The following MYO15A variants were observed in gnomAD, a reference collection of about 807,000 sequenced individuals.
MYO15A encodes the protein unconventional myosin-XV.
A neutral mutation model predicts 394.6 loss-of-function variants in MYO15A; 308 were observed. The observed-to-expected ratio is 0.78, with a 90% CI of 0.71 to 0.86. MYO15A has a LOEUF of 0.86. Ranked by LOEUF, MYO15A falls within the 40% of genes least tolerant of loss-of-function variation. MYO15A has a pLI of 0.00. For missense variants in MYO15A, 4,606 were observed against 4,799.1 expected, an observed-to-expected ratio of 0.96 and a Z score of 1.19; for synonymous variants, 1,957 against 2,003.8, an observed-to-expected ratio of 0.98 and a Z score of 0.62.
At chr17:18,152,313 A>G (rs2046599900) in intron 42 of MYO15A, 129 bp downstream of exon 42, 2 of 898,366 alleles carry the variant, frequency 2.2e-6, no homozygotes, top group African/African-American at 3.3e-5. Context: ...TTGTGAGCAC[A>G]TTGGTGTAAT....
At chr17:18,134,822 TTAA>T (rs2046234811) in intron 12 of MYO15A, among the ~76,000 whole-genome samples, 1 of 152,230 alleles carries the variant, frequency 6.6e-6, no homozygotes, top group Admixed American at 6.5e-5. Context: ...TTGTGCTTTG[TTAA>T]TCTATTTATG....
Position 18,143,748 on chromosome 17 carries a change from C to T in MYO15A, c.5998C>T (p.His2000Tyr). The change falls in exon 27 of 66, where the codon CAC (histidine) becomes TAC (tyrosine). Residue 2000 changes from histidine (H) to tyrosine (Y), a missense_variant. Physicochemically the swap from His to Tyr is moderately conservative, Grantham distance 83. Transcript: ENST00000647165. ...LSKREVVAVGHLEVPAELAGL... is the reference protein window; with the variant it reads ...LSKREVVAVGYLEVPAELAGL... ...CAAGCGGGAGGTAGTCGCTGTGGGGCACCTGGAGGTACCGGCTGAGCTGGC... is the reference window on the plus strand; with the variant it reads ...CAAGCGGGAGGTAGTCGCTGTGGGGTACCTGGAGGTACCGGCTGAGCTGGC... 6.3e-7 allele frequency: 1 copy of T among 1,599,874 alleles called. No homozygotes were observed. Among genetic ancestry groups the T allele is most frequent in the Non-Finnish European group, 8.5e-7 (1 of 1,173,776 alleles).
intron 1 of MYO15A, among the ~76,000 whole-genome samples, chr17:18,114,300 G>A (rs2045759793): frequency 7.4e-6 from 1 of 135,202 alleles, no homozygotes; most frequent in African/African-American, 2.7e-5. Context: ...TGCCCAGGCT[G>A]GAGTGCAATG....
rs747762338 is a variant in MYO15A, at chr17:18,118,862, C to G, written c.62C>G (p.Pro21Arg). The change falls in exon 2 of 66, where the codon CCG becomes CGG. Residue 21 changes from proline to arginine, a missense_variant. Pro to Arg is a moderately radical substitution (Grantham distance 103). Coordinates refer to ENST00000647165, the MANE Select transcript of MYO15A (RefSeq NM_016239.4). ...AAAGGGAAGAAGGGGAAGAAGGCAC[C>G]GGAGCCGGAGAAGCCCAAACGGAGC... ...AKKGKKGKKA[P>R]EPEKPKRSLK... The G allele has an allele frequency of 3.1e-6, 5 of 1,612,750 alleles. No individual in the cohort carries two copies. The highest frequency in any genetic ancestry group is 2.2e-5 in the East Asian group (1 of 44,828).
chr17:18,156,165 G>T (rs2046671408), intron 47 of MYO15A, 30 bp from the exon 48 acceptor site: 2 of 1,613,780 alleles, frequency 1.2e-6, no homozygotes, highest in Non-Finnish European at 8.5e-7. Context: ...CCCTCTGGCA[G>T]GGGAGTCATG....
At chr17:18,142,363 AG>A (rs2046397744) in intron 24 of MYO15A, 109 bp downstream of exon 24, 2 of 1,296,106 alleles carry the variant, frequency 1.5e-6, no homozygotes, top group East Asian at 2.5e-5. Flanking sequence ...ATGCAAGCTG[AG>A]GGTGGAGGCC....
Position 18,147,756 on chromosome 17 carries a change from G to A in MYO15A, c.6510-273G>A, listed in dbSNP as rs2046505916. On this transcript the variant is annotated intron_variant, in intron 30 of 65. Transcript: ENST00000647165. The surrounding 1 kb of genome is among the most constrained non-coding windows in gnomAD (Gnocchi z 4.4). The stretch of plus-strand genomic sequence containing the variant: ...GCCTGAGATACTTCTGGACTAGCCT[G>A]GGACCCTTTCAGTTTAGCCGTGGGA... Among the ~76,000 whole-genome samples, 1 of 152,124 alleles carries A rather than the reference G, an allele frequency of 6.6e-6. No individual in the cohort carries two copies. Among genetic ancestry groups the A allele is most frequent in the Non-Finnish European group, 1.5e-5 (1 of 68,012 alleles).
chr17:18,167,470 A>G (rs1567664058), intron 61 of MYO15A, 120 bp from the exon 62 acceptor site: 1 of 1,507,870 alleles, frequency 6.6e-7, no homozygotes. Context: ...GTAATAGGCC[A>G]TCCTACCCCA....
At chr17:18,115,068 T>C (rs542013261) in intron 1 of MYO15A, among the ~76,000 whole-genome samples, 2 of 152,306 alleles carry the variant, frequency 1.3e-5, no homozygotes, top group South Asian at 4.1e-4. Flanking sequence ...TCCTGGCCAA[T>C]GACCTGACGG....
intron 64 of MYO15A, 78 bp downstream of exon 64, chr17:18,172,368 T>C (rs1165504707): frequency 6.2e-7 from 1 of 1,600,920 alleles, no homozygotes; most frequent in South Asian, 1.1e-5. Flanking sequence ...GGCCAAGACC[T>C]CCAGCCGCCG....
chr17:18,163,883 C>T lies in MYO15A; in HGVS notation c.9787+45C>T, dbSNP rs752421692. The T allele has an allele frequency of 8.8e-6, 14 of 1,585,542 alleles. No homozygotes were observed. The East Asian group carries it at 1.6e-4, about 18-fold the overall frequency. On this transcript the variant is annotated intron_variant, in intron 60 of 65. Coordinates refer to ENST00000647165, the MANE Select transcript of MYO15A (RefSeq NM_016239.4). ...AGCATGCTGGGCCCATTCCCATCCC[C>T]GGGCCTTGTGCCATGTGGGGCCCTC... is the stretch of plus-strand genomic sequence containing the variant.
chr17:18,120,301 C>G lies in MYO15A; in HGVS notation c.1501C>G (p.Leu501Val), dbSNP rs760686285. The change falls in exon 2 of 66, where the codon CTG becomes GTG. Residue 501 changes from leucine to valine, a missense_variant. Physicochemically the swap from Leu to Val is conservative, Grantham distance 32. Coordinates refer to ENST00000647165, the MANE Select transcript of MYO15A (RefSeq NM_016239.4). ...GCTGGAGGTGCCCCTGCCACCCTCT[C>G]TGGACATTCCTCTCCCCTTGGGGGA... ...EKLEVPLPPS[L>V]DIPLPLGDAD... 1 of 1,612,188 alleles carries G rather than the reference C, an allele frequency of 6.2e-7. No individual in the cohort carries two copies. The highest frequency in any genetic ancestry group is 1.7e-5 in the Admixed American group (1 of 60,022).
chr17:18,152,515 A>C (rs1026044453), intron 42 of MYO15A, among the ~76,000 whole-genome samples: 6 of 152,168 alleles, frequency 3.9e-5, no homozygotes, highest in Non-Finnish European at 2.9e-5. Context: ...ATATCAGCTC[A>C]GGCCTCCTGG....
At chr17:18,178,506 C>T (rs1437832928) in intron 65 of MYO15A, 4 of 602,424 alleles carry the variant, frequency 6.6e-6, no homozygotes, top group Non-Finnish European at 1.2e-5. Flanking sequence ...AGCGATAGAC[C>T]CTGGGTCACA....
At chr17:18,113,797 GACACACACACACACACAC>G (rs4025536) in intron 1 of MYO15A, among the ~76,000 whole-genome samples, 96 of 138,648 alleles carry the variant, frequency 6.9e-4, no homozygotes, top group Middle Eastern at 3.6e-3. Context: ...CACCTCCCCT[GACACACACACACACACAC>G]ACACACACAC....
chr17:18,110,316 C>T (rs1008659097), intron 1 of MYO15A: 2 of 152,278 alleles, frequency 1.3e-5, no homozygotes, highest in Non-Finnish European at 1.5e-5. Context: ...CATGGCAGCC[C>T]GAGCTTCTTT....
At position 18,178,657 on chromosome 17, in the gene MYO15A, T is replaced by A. The variant is rs2047048547; in HGVS notation, c.10492-112T>A. ...GGAGGTGGGGACAAGGGTCCCTGCA[T>A]GAATGATGGTCTCCACCTATCTCCC... On this transcript the variant is annotated intron_variant, in intron 65 of 65. Transcript: ENST00000647165. The A allele has an allele frequency of 3.8e-6, 4 of 1,049,856 alleles. No individual in the cohort carries two copies. The Admixed American group carries it at 7.4e-5, about 19-fold the overall frequency. 65.0% of individuals were successfully genotyped at this position (1,049,856 alleles called of 1,614,324 possible).
At chr17:18,124,397 C>G in intron 2 of MYO15A, 86 bp from the exon 3 acceptor site, 9 of 1,391,868 alleles carry the variant, frequency 6.5e-6, no homozygotes, top group Non-Finnish European at 8.0e-6. Flanking sequence ...ACAATGGTAG[C>G]AGGCCCCAGG....
Position 18,163,792 on chromosome 17 carries a change from C to A in MYO15A, c.9741C>A (p.Arg3247=), listed in dbSNP as rs752368160. 2.5e-6 allele frequency: 4 copies of A among 1,614,118 alleles called. No individual in the cohort carries two copies. The highest frequency in any genetic ancestry group is 2.2e-5 in the South Asian group (2 of 91,040). Residue 3247 remains arginine (R), a synonymous_variant, in exon 60 of 66, where the codon CGC becomes CGA. Coordinates refer to ENST00000647165, the MANE Select transcript of MYO15A (RefSeq NM_016239.4). ...EEICAEMALT[R]PEAFNEYVIF... is the part of the protein sequence containing the mutation. ...TATGTGCTGAGATGGCTCTGACACG[C>A]CCTGAGGCCTTCAATGAATATGTTA...
Sources: gnomAD v4.1 joint callset for allele counts (sites outside exome capture counted in the v4.1 genomes callset) on GRCh38, gnomAD v4.1.1 for gene constraint, Gnocchi (gnomAD v3.1) non-coding constraint, MANE v1.5 for transcripts, NCBI Gene and HGNC (gene_info 2026-07-23, HGNC 2026-07-21) for gene names.